Variants in CFAP47 observed in about 807,000 individuals in gnomAD.
CFAP47 encodes the protein cilia and flagella associated protein 47.
In CFAP47, 29 loss-of-function variants were observed where a neutral mutation model predicts 148.1. That is an observed-to-expected ratio of 0.20 (90% CI 0.15 to 0.27). CFAP47 has a LOEUF of 0.27. Ranked by LOEUF, CFAP47 falls within the 10% of genes least tolerant of loss-of-function variation. The pLI is 1.00. For missense variants in CFAP47, 1,872 were observed against 1,697.5 expected, an observed-to-expected ratio of 1.10 and a Z score of -1.81; for synonymous variants, 664 against 577.3, an observed-to-expected ratio of 1.15 and a Z score of -2.15.
At chrX:36,312,062 A>G (rs150500220) in intron 56 of CFAP47, among the ~76,000 whole-genome samples, 682 of 110,979 alleles carry the variant, frequency 6.1e-3, no homozygotes, top group African/African-American at 0.021. Flanking sequence ...AAGATGGAAA[A>G]GACTTGAGCA....
At position 36,370,060 on chromosome X, in the gene CFAP47, G is replaced by A. The variant is rs1285112194; in HGVS notation, c.9185+2933G>A. On this transcript the variant is annotated intron_variant, in intron 62 of 63. Transcript: ENST00000378653. The stretch of plus-strand genomic sequence containing the variant: ...AGATCATGATGGGTAACATAACCAA[G>A]TTACAGAAGAAGGTGAATTTACTTT... Among the ~76,000 whole-genome samples, 3 of 111,749 alleles carry A rather than the reference G, an allele frequency of 2.7e-5. No individual in the cohort carries two copies. In the East Asian group the frequency reaches 8.5e-4, roughly 32 times the overall value.
At chrX:36,284,306 A>G (rs1345241137) in intron 50 of CFAP47, among the ~76,000 whole-genome samples, 1 of 111,691 alleles carries the variant, frequency 9.0e-6, no homozygotes, top group East Asian at 2.8e-4. Flanking sequence ...AGAACTCCTC[A>G]TAGTTATTTG....
chrX:35,972,130 A>C (rs1390599142), intron 13 of CFAP47, among the ~76,000 whole-genome samples, 165 bp downstream of exon 13: 1 of 112,469 alleles, frequency 8.9e-6, no homozygotes, highest in Non-Finnish European at 1.9e-5. Context: ...TGAGAGAATT[A>C]ACTTTAGTAA....
chrX:36,314,076 C>T (rs1368266680), intron 56 of CFAP47, among the ~76,000 whole-genome samples: 1 of 111,027 alleles, frequency 9.0e-6, no homozygotes, highest in African/African-American at 3.3e-5. Context: ...TTTGGAATAT[C>T]AAAAGACATT....
At chrX:36,362,336 T>C (rs782316504) in intron 61 of CFAP47, among the ~76,000 whole-genome samples, 1 of 112,154 alleles carries the variant, frequency 8.9e-6, no homozygotes, top group East Asian at 2.8e-4. Context: ...CAACTAGTAG[T>C]TTGCAGCGTC....
At chrX:36,011,940 G>A (rs190728710) in intron 21 of CFAP47, among the ~76,000 whole-genome samples, 5 of 111,579 alleles carry the variant, frequency 4.5e-5, no homozygotes, top group Non-Finnish European at 7.5e-5. Context: ...CCTGTGTCCC[G>A]AATGGTTTTG....
intron 62 of CFAP47, among the ~76,000 whole-genome samples, chrX:36,376,610 A>C (rs1157786588): frequency 1.8e-5 from 2 of 112,132 alleles, no homozygotes; most frequent in East Asian, 5.6e-4. Context: ...TACTGGCTTC[A>C]ATATAGTTCG....
intron 62 of CFAP47, chrX:36,368,096 A>C (rs1458506378): frequency 2.7e-5 from 3 of 111,101 alleles, no homozygotes; most frequent in Non-Finnish European, 5.7e-5. Context: ...CCAAACTTGA[A>C]CCTTTTGAGA....
rs191629113 is a variant in CFAP47, at chrX:36,342,139, T to G, written c.8444-5990T>G. ...ACTGATGTAATTACTTCCAGCTTCC[T>G]GGTAAACACATATGAAGATGTGTTT... On this transcript the variant is annotated intron_variant, in intron 57 of 63. Coordinates refer to ENST00000378653, the MANE Select transcript of CFAP47 (RefSeq NM_001304548.2). 7.6e-3 allele frequency among the ~76,000 whole-genome samples: 847 copies of G among 111,876 alleles called. 5 individuals are homozygous for G. The highest frequency in any genetic ancestry group is 0.046 in the South Asian group (123 of 2,699).
At chrX:35,953,518 T>G in intron 6 of CFAP47, 74 bp from the exon 7 acceptor site, 1 of 758,675 alleles carries the variant, frequency 1.3e-6, no homozygotes, top group Non-Finnish European at 1.9e-6. Context: ...AAGATTGGAT[T>G]GATATTTCCT....
chrX:36,081,850 C>G (rs1937989099), intron 29 of CFAP47, among the ~76,000 whole-genome samples: 1 of 111,340 alleles, frequency 9.0e-6, no homozygotes, highest in Admixed American at 9.6e-5. Context: ...CTGAAAATAA[C>G]AAGAGCCATC....
At chrX:36,159,665 G>A (rs1939406787) in intron 38 of CFAP47, 89 bp downstream of exon 38, 2 of 288,696 alleles carry the variant, frequency 6.9e-6, no homozygotes, top group Non-Finnish European at 1.2e-5. Context: ...TTTATCTCTA[G>A]GCAGCTGTTT....
At chrX:36,237,958 A>G (rs1271454356) in intron 48 of CFAP47, among the ~76,000 whole-genome samples, 1 of 111,324 alleles carries the variant, frequency 9.0e-6, no homozygotes, top group Non-Finnish European at 1.9e-5. Flanking sequence ...TTATCTTCTC[A>G]TGTCCGAGTA....
At chrX:36,209,572 T>C (rs1482091495) in intron 45 of CFAP47, among the ~76,000 whole-genome samples, 3 of 110,945 alleles carry the variant, frequency 2.7e-5, no homozygotes, top group Non-Finnish European at 5.7e-5. Flanking sequence ...TAATTATAAA[T>C]ATAATAAATT....
intron 48 of CFAP47, among the ~76,000 whole-genome samples, chrX:36,244,915 A>G (rs1940596370): frequency 9.0e-6 from 1 of 111,365 alleles, no homozygotes; most frequent in African/African-American, 3.3e-5. Flanking sequence ...AAAAAGGATA[A>G]CTTGAGGCCG....
intron 54 of CFAP47, 22 bp downstream of exon 54, chrX:36,303,982 T>G: frequency 1.3e-6 from 1 of 756,694 alleles, no homozygotes; most frequent in Non-Finnish European, 2.0e-6. Flanking sequence ...CAGAGAGCCA[T>G]GAAATTTACT....
Position 36,369,214 on chromosome X carries a change from A to G in CFAP47, c.9185+2087A>G, listed in dbSNP as rs782372205. Among the ~76,000 whole-genome samples, 4 of 111,193 alleles carry G rather than the reference A, an allele frequency of 3.6e-5. No individual in the cohort carries two copies. The South Asian group carries it at 1.5e-3, about 42-fold the overall frequency. On this transcript the variant is annotated intron_variant, in intron 62 of 63. Transcript: ENST00000378653. Reference sequence around the variant, plus strand: ...GATAAATGCAGTTGTCAGAAATTCTATGATATACAATTATGTATGAAAAAC... The same window carrying G: ...GATAAATGCAGTTGTCAGAAATTCTGTGATATACAATTATGTATGAAAAAC...
intron 33 of CFAP47, among the ~76,000 whole-genome samples, chrX:36,128,197 C>A (rs111311546): frequency 1.2e-4 from 13 of 110,945 alleles, no homozygotes; most frequent in African/African-American, 4.3e-4. Context: ...AATCTCTATT[C>A]TCTTAGTTCT....
At chrX:36,117,501 A>C (rs1938661806) in intron 33 of CFAP47, among the ~76,000 whole-genome samples, 1 of 112,177 alleles carries the variant, frequency 8.9e-6, no homozygotes. Context: ...TCTGATGATC[A>C]ATGATATTGA....
Sources: allele counts gnomAD v4.1 joint callset (sites outside exome capture counted in the v4.1 genomes callset), GRCh38; gene constraint gnomAD v4.1.1; transcripts MANE v1.5; gene names NCBI Gene and HGNC (gene_info 2026-07-23, HGNC 2026-07-21).